The following XYLT1 variants were observed in gnomAD, a reference collection of about 807,000 sequenced individuals.
The protein encoded by XYLT1 is beta-D-xylosyltransferase 1.
XYLT1 carries 36 observed loss-of-function variants against 91.3 expected under a neutral mutation model. The ratio of observed to expected loss-of-function variants is 0.39; its 90% confidence interval spans 0.30 to 0.52. The LOEUF is 0.52. Among genes scored for constraint, XYLT1 ranks in the 20% least tolerant of loss-of-function variants. The pLI is 0.68. For missense variants in XYLT1, 1,242 were observed against 1,284.5 expected (o/e 0.97, Z 0.51); for synonymous variants, 588 against 532.0 (o/e 1.11, Z -1.45).
At chr16:17,276,815 G>A (rs2033983856) in intron 2 of XYLT1, among the ~76,000 whole-genome samples, 3 of 152,132 alleles carry the variant, frequency 2.0e-5, no homozygotes, top group African/African-American at 7.2e-5. Context: ...TGTGACCTAG[G>A]GAAAGTCGTT....
At chr16:17,232,406 T>TGC (rs2033174996) in intron 3 of XYLT1, among the ~76,000 whole-genome samples, 2 of 55,358 alleles carry the variant, frequency 3.6e-5, no homozygotes, top group African/African-American at 2.4e-4. Flanking sequence ...TGTCTGTGTC[T>TGC]GTGTGTGTGT....
At position 17,224,049 on chromosome 16, in the gene XYLT1, T is replaced by C. The variant is rs566153306; in HGVS notation, c.914-23395A>G. On this transcript the variant is annotated intron_variant, in intron 3 of 11. Transcript: ENST00000261381. ...TTCAAATTCTAGGACCAGACCTCGC[T>C]AGCTCTGTTATCTAGAGAAGCTACC... Among the ~76,000 whole-genome samples the C allele has an allele frequency of 4.6e-5, 7 of 152,372 alleles. No homozygotes were observed. The East Asian group carries it at 9.6e-4, about 21-fold the overall frequency.
chr16:17,221,354 A>G (rs1269153397), intron 3 of XYLT1, among the ~76,000 whole-genome samples: 1 of 152,082 alleles, frequency 6.6e-6, no homozygotes, highest in Non-Finnish European at 1.5e-5. Flanking sequence ...TGGTATCAAG[A>G]GTGTTTTCGG....
At chr16:17,209,912 G>A (rs748274580) in intron 3 of XYLT1, among the ~76,000 whole-genome samples, 6 of 152,234 alleles carry the variant, frequency 3.9e-5, no homozygotes, top group African/African-American at 1.2e-4. Context: ...TTTTAAATTC[G>A]TAAGACGGGA....
intron 3 of XYLT1, among the ~76,000 whole-genome samples, chr16:17,204,837 C>T (rs1183353315): frequency 1.3e-5 from 2 of 151,982 alleles, no homozygotes; most frequent in South Asian, 2.1e-4. Flanking sequence ...GAGGAAAATC[C>T]GTCCCTAGAG....
intron 1 of XYLT1, among the ~76,000 whole-genome samples, chr16:17,378,698 G>A (rs1386408575): frequency 6.6e-6 from 1 of 152,176 alleles, no homozygotes; most frequent in Non-Finnish European, 1.5e-5. Flanking sequence ...ACACTGTAAG[G>A]CAAATTACGA....
chr16:17,435,018 C>G (rs997695268), intron 1 of XYLT1, among the ~76,000 whole-genome samples: 10 of 152,230 alleles, frequency 6.6e-5, no homozygotes, highest in African/African-American at 2.4e-4. Flanking sequence ...TGGCACACAC[C>G]TTAGTTCATC....
At chr16:17,130,568 G>A (rs1237468441) in intron 9 of XYLT1, among the ~76,000 whole-genome samples, 1 of 152,132 alleles carries the variant, frequency 6.6e-6, no homozygotes, top group Non-Finnish European at 1.5e-5. Context: ...TGCCTCCCGG[G>A]TTCAAGCAGT....
chr16:17,323,082 C>T (rs1354304952), intron 2 of XYLT1, among the ~76,000 whole-genome samples: 3 of 152,218 alleles, frequency 2.0e-5, no homozygotes, highest in Admixed American at 2.0e-4. Flanking sequence ...CTGCAGAGCT[C>T]TCCAGGCAAG....
At chr16:17,403,120 A>G (rs1436156269) in intron 1 of XYLT1, among the ~76,000 whole-genome samples, 1 of 152,204 alleles carries the variant, frequency 6.6e-6, no homozygotes, top group African/African-American at 2.4e-5. Flanking sequence ...ACTGATGGTA[A>G]TAAGCCAGCC....
At chr16:17,247,274 A>G (rs2033452810) in intron 3 of XYLT1, among the ~76,000 whole-genome samples, 1 of 152,158 alleles carries the variant, frequency 6.6e-6, no homozygotes. Context: ...AGTTGTGCCC[A>G]AGGGAGCAAG....
intron 5 of XYLT1, among the ~76,000 whole-genome samples, chr16:17,172,841 T>C (rs2031856499): frequency 6.6e-6 from 1 of 152,200 alleles, no homozygotes; most frequent in African/African-American, 2.4e-5. Context: ...CTTTGAGTTG[T>C]ATGGGCCCAT....
chr16:17,281,526 A>G (rs1297573699), intron 2 of XYLT1, among the ~76,000 whole-genome samples: 1 of 152,218 alleles, frequency 6.6e-6, no homozygotes, highest in Non-Finnish European at 1.5e-5. Flanking sequence ...GATGGTCATG[A>G]TTCCTAAAAT....
intron 1 of XYLT1, among the ~76,000 whole-genome samples, chr16:17,440,669 G>A (rs1390009634): frequency 1.3e-5 from 2 of 152,160 alleles, no homozygotes; most frequent in Non-Finnish European, 2.9e-5. Context: ...GTCAATGAAA[G>A]GAATAGATGC....
intron 1 of XYLT1, among the ~76,000 whole-genome samples, chr16:17,405,023 T>C (rs767511084): frequency 1.3e-5 from 2 of 152,128 alleles, no homozygotes; most frequent in Non-Finnish European, 2.9e-5. Context: ...TGACTCAGAT[T>C]AGAAAAACAG....
At chr16:17,191,936 C>T (rs1161343082) in intron 5 of XYLT1, among the ~76,000 whole-genome samples, 1 of 152,102 alleles carries the variant, frequency 6.6e-6, no homozygotes. Flanking sequence ...CATACACTGC[C>T]CCACATGTGC....
intron 2 of XYLT1, among the ~76,000 whole-genome samples, chr16:17,292,749 C>T (rs2034250070): frequency 6.6e-6 from 1 of 152,200 alleles, no homozygotes; most frequent in Non-Finnish European, 1.5e-5. Context: ...TGACATCATC[C>T]CTGTTGGCCC....
At chr16:17,308,561 C>T (rs764402226) in intron 2 of XYLT1, among the ~76,000 whole-genome samples, 6 of 152,150 alleles carry the variant, frequency 3.9e-5, no homozygotes, top group South Asian at 4.1e-4. Flanking sequence ...GGTTCAAAGA[C>T]GGAAACTGTA....
intron 10 of XYLT1, among the ~76,000 whole-genome samples, chr16:17,119,057 ATC>A (rs759286544): frequency 6.6e-6 from 1 of 152,184 alleles, no homozygotes; most frequent in South Asian, 2.1e-4. Flanking sequence ...GATAAGCACT[ATC>A]TCAGAGTTGT....
Sources: gnomAD v4.1 joint callset for allele counts (sites outside exome capture counted in the v4.1 genomes callset) on GRCh38, gnomAD v4.1.1 for gene constraint, MANE v1.5 for transcripts, NCBI Gene and HGNC (gene_info 2026-07-23, HGNC 2026-07-21) for gene names.